MMP17: variants seen among roughly 807,000 people sequenced by gnomAD.
The protein encoded by MMP17 is matrix metallopeptidase 17, also known as matrix metalloproteinase-17.
In MMP17, 54 loss-of-function variants were observed where a neutral mutation model predicts 49.1. The observed-to-expected ratio is 1.10, with a 90% CI of 0.88 to 1.38. MMP17 has a LOEUF of 1.38. Among genes scored for constraint, MMP17 ranks in the 40% most tolerant of loss-of-function variants. The probability of loss-of-function intolerance (pLI) is 0.00; values close to 1 mark genes in which losing one functional copy is unlikely to be tolerated. For synonymous variants in MMP17, 397 were observed against 383.1 expected (o/e 1.04, Z -0.42); for missense variants, 837 against 853.7 (o/e 0.98, Z 0.24).
In MMP17 at chr12:131,838,624, T is replaced by G. The variant is rs1339119696; in HGVS notation, c.305T>G (p.Leu102Arg). Residue 102 changes from leucine (L) to arginine (R), a missense_variant, in exon 3 of 10, where the codon CTG becomes CGG. By Grantham distance (102) the Leu-to-Arg change is moderately radical (BLOSUM62 -2). Coordinates refer to ENST00000360564, the MANE Select transcript of MMP17 (RefSeq NM_016155.7). The stretch of plus-strand genomic sequence containing the variant: ...GCTTTCCCTGCAGACGAGGCCACCC[T>G]GGCCCTGATGAAAACCCCACGCTGC... ...EATGILDEAT[L>R]ALMKTPRCSL... The G allele has an allele frequency of 6.2e-7, 1 of 1,611,002 alleles. No homozygotes were observed.
intron 1 of MMP17, among the ~76,000 whole-genome samples, chr12:131,832,920 C>T (rs897391282): frequency 2.0e-5 from 3 of 152,180 alleles, no homozygotes; most frequent in Admixed American, 6.5e-5. Context: ...CACCGCCCCA[C>T]GCATCACCTG....
intron 3 of MMP17, 46 bp from the exon 4 acceptor site, chr12:131,840,527 G>T: frequency 6.5e-7 from 1 of 1,528,468 alleles, no homozygotes; most frequent in Non-Finnish European, 8.8e-7. Context: ...CCTGGGGCAC[G>T]TGGCCTGTTC....
chr12:131,837,239 GCA>G (rs1384344288), intron 1 of MMP17, among the ~76,000 whole-genome samples: 1 of 152,226 alleles, frequency 6.6e-6, no homozygotes, highest in African/African-American at 2.4e-5. Flanking sequence ...CTTGCCCCAG[GCA>G]CACAGCGGGG....
intron 9 of MMP17, 43 bp from the exon 10 acceptor site, chr12:131,850,882 G>A (rs1307175873): frequency 4.3e-6 from 6 of 1,397,868 alleles, no homozygotes; most frequent in Non-Finnish European, 5.6e-6. Flanking sequence ...AGCCCCTCCT[G>A]CTGCAGCCCT....
chr12:131,849,773 C>G (rs188513915), intron 8 of MMP17, 29 bp from the exon 9 acceptor site: 1 of 1,593,528 alleles, frequency 6.3e-7, no homozygotes. Context: ...GGCCGAGCCC[C>G]GGCCCACAGC....
intron 8 of MMP17, among the ~76,000 whole-genome samples, chr12:131,849,543 T>G (rs1887867157): frequency 6.6e-6 from 1 of 151,938 alleles, no homozygotes; most frequent in Admixed American, 6.6e-5. Context: ...TTGGCCCGAG[T>G]TGTTGTTTCC....
At chr12:131,829,900 GT>G (rs1365862700) in intron 1 of MMP17, among the ~76,000 whole-genome samples, 6 of 152,222 alleles carry the variant, frequency 3.9e-5, no homozygotes, top group Non-Finnish European at 8.8e-5. Flanking sequence ...GTGCCTGCAG[GT>G]CCCCACAGTG....
chr12:131,837,935 C>A, intron 1 of MMP17: 1 of 353,462 alleles, frequency 2.8e-6, no homozygotes, highest in Non-Finnish European at 5.2e-6. Context: ...TGGTCTCCAT[C>A]TCCTGACCTC....
At chr12:131,837,961 C>T (rs907308619) in intron 1 of MMP17, 12 of 417,058 alleles carry the variant, frequency 2.9e-5, no homozygotes, top group South Asian at 6.5e-5. Context: ...CCGCCTGCCT[C>T]GGCCTCCCAA....
At chr12:131,829,042 G>T (rs748416299) in intron 1 of MMP17, among the ~76,000 whole-genome samples, 1 of 152,198 alleles carries the variant, frequency 6.6e-6, no homozygotes, top group Non-Finnish European at 1.5e-5. Context: ...CGTGCGTTCC[G>T]GGTGGGAGTG....
At chr12:131,847,412 C>CAA (rs543194949) in intron 8 of MMP17, among the ~76,000 whole-genome samples, 26 of 66,896 alleles carry the variant, frequency 3.9e-4, no homozygotes, top group African/African-American at 9.7e-4. Flanking sequence ...GACTCCGTCT[C>CAA]AAAAAAAAAA....
At chr12:131,835,030 C>T (rs1887009304) in intron 1 of MMP17, among the ~76,000 whole-genome samples, 1 of 152,188 alleles carries the variant, frequency 6.6e-6, no homozygotes, top group Non-Finnish European at 1.5e-5. Context: ...GCTGGTGGCT[C>T]CCAAACCTGC....
At chr12:131,830,002 C>T (rs1359817669) in intron 1 of MMP17, among the ~76,000 whole-genome samples, 3 of 152,196 alleles carry the variant, frequency 2.0e-5, no homozygotes, top group Non-Finnish European at 4.4e-5. Context: ...CCGGATCCCC[C>T]ACTGAGAATC....
chr12:131,845,239 T>C, intron 7 of MMP17, 39 bp downstream of exon 7: 1 of 1,613,928 alleles, frequency 6.2e-7, no homozygotes, highest in Non-Finnish European at 8.5e-7. Context: ...CTGAGGGCCA[T>C]GGCCCACTCT....
chr12:131,840,781 T>G lies in MMP17; in HGVS notation c.631T>G (p.Phe211Val). The change falls in exon 4 of 10, where the codon TTC (phenylalanine) becomes GTC (valine). Residue 211 changes from phenylalanine to valine, a missense_variant. Coordinates refer to ENST00000360564, the MANE Select transcript of MMP17 (RefSeq NM_016155.7). ...CCCCGGCGGCACCGTGGCCCACGCC[T>G]TCTTCCCCGGCCACCACCACACCGC... ...DGPGGTVAHA[F>V]FPGHHHTAGD... 6.2e-7 allele frequency: 1 copy of G among 1,605,648 alleles called. No homozygotes were observed.
In MMP17 at chr12:131,849,916, A is replaced by G. The variant is rs1224931925; in HGVS notation, c.1319A>G (p.Asn440Ser). 3 of 1,614,026 alleles carry G rather than the reference A, an allele frequency of 1.9e-6. No homozygotes were observed. The highest frequency in any genetic ancestry group is 2.5e-6 in the Non-Finnish European group (3 of 1,179,996). ...GIDAAFSWAH[N>S]DRTYFFKDQL... ...GACGCTGCCTTCTCCTGGGCCCACA[A>G]TGACAGGACTTATTTCTTTAAGGAC... The change falls in exon 9 of 10, where the codon AAT (asparagine) becomes AGT (serine). Residue 440 changes from asparagine (N) to serine (S), a missense_variant. By Grantham distance (46) the Asn-to-Ser change is conservative. Transcript: ENST00000360564.
rs1443430733 is a variant in MMP17 at position 131,845,394 on chromosome 12, C to T, written c.1149C>T (p.Asp383=). 6.3e-7 allele frequency: 1 copy of T among 1,594,244 alleles called. No individual in the cohort carries two copies. Among genetic ancestry groups the T allele is most frequent in the East Asian group, 2.2e-5 (1 of 44,596 alleles). The change falls in exon 8 of 10, where the codon GAC becomes GAT. Residue 383 remains aspartate, a synonymous_variant. Transcript: ENST00000360564. The part of the protein sequence containing the change: ...RFWRGLPLHL[D]SVDAVYERTS... ...GGCGGGGCCTGCCGCTGCACCTGGA[C>T]AGCGTGGACGCCGTGTACGAGCGCA...
In MMP17 at chr12:131,851,045, C is replaced by T. The variant is rs1412833802; in HGVS notation, c.1583C>T (p.Ala528Val). 6 of 1,609,216 alleles carry T rather than the reference C, an allele frequency of 3.7e-6. No individual in the cohort carries two copies. The highest frequency in any genetic ancestry group is 8.5e-7 in the Non-Finnish European group (1 of 1,178,326). The change falls in exon 10 of 10, where the codon GCC becomes GTC. Residue 528 changes from alanine (A) to valine (V), a missense_variant. Ala to Val is a moderately conservative substitution (Grantham distance 64). Transcript: ENST00000360564. ...TGGCTGGTGTGTGGAGACTCACAGG[C>T]CGATGGATCTGTGGCTGCGGGCGTG... ...RDWLVCGDSQ[A>V]DGSVAAGVDA... is the part of the protein sequence containing the mutation.
At chr12:131,844,935 C>CGT in intron 6 of MMP17, 183 bp from the exon 7 acceptor site, 4 of 611,904 alleles carry the variant, frequency 6.5e-6, no homozygotes, top group South Asian at 5.7e-5. Context: ...CGGCCCCCGC[C>CGT]CGCTGAAGCG....
Sources: gnomAD v4.1 joint callset for allele counts (sites outside exome capture counted in the v4.1 genomes callset) on GRCh38, gnomAD v4.1.1 for gene constraint, MANE v1.5 for transcripts, NCBI Gene and HGNC (gene_info 2026-07-23, HGNC 2026-07-21) for gene names.